The following PLEKHA8 variants were observed in gnomAD, a reference collection of about 807,000 sequenced individuals.
PLEKHA8 encodes the protein pleckstrin homology domain containing A8.
In PLEKHA8, 36 loss-of-function variants were observed where a neutral mutation model predicts 68.2. The ratio of observed to expected loss-of-function variants is 0.53; its 90% CI spans 0.40 to 0.70. The LOEUF (loss-of-function observed/expected upper bound fraction) is 0.70. Ranked by LOEUF, PLEKHA8 falls within the 30% of genes least tolerant of loss-of-function variation. The pLI is 0.00. For synonymous variants in PLEKHA8, 211 were observed against 216.1 expected, an observed-to-expected ratio of 0.98 and a Z score of 0.20; for missense variants, 505 against 615.4, an observed-to-expected ratio of 0.82 and a Z score of 1.90.
Position 30,060,979 on chromosome 7 carries a change from A to G in PLEKHA8, c.1098+37A>G, listed in dbSNP as rs758140863. On this transcript the variant is annotated intron_variant, in intron 10 of 13. Coordinates refer to ENST00000449726, the MANE Select transcript of PLEKHA8 (RefSeq NM_001197026.2). ...GGTTTGTCTCTGTGGAAACTTTTAA[A>G]TAAAGGAAAATGTTCTCAACATTTT... is the stretch of plus-strand genomic sequence containing the variant. 3 of 1,578,588 alleles carry G rather than the reference A, an allele frequency of 1.9e-6. No homozygotes were observed. In the South Asian group the frequency reaches 3.4e-5, roughly 18 times the overall value.
intron 1 of PLEKHA8, among the ~76,000 whole-genome samples, chr7:30,035,639 CTTATTTAT>C (rs923801200): frequency 9.9e-5 from 15 of 151,510 alleles, no homozygotes; most frequent in Non-Finnish European, 2.2e-4. Flanking sequence ...TTCTTATTTA[CTTATTTAT>C]TTATTTATTT....
Position 30,055,357 on chromosome 7 carries a change from G to A in PLEKHA8, c.1039+15G>A, listed in dbSNP as rs139452977. ...TCCAGTATTAGGTAAGATTCCTGCA[G>A]TTGCCTTACATTCATTCATGTCTAG... On this transcript the variant is annotated intron_variant, in intron 9 of 13. Transcript: ENST00000449726. 2.5e-3 allele frequency: 3,951 copies of A among 1,608,446 alleles called. 9 individuals carry two copies. The highest frequency in any genetic ancestry group is 0.01 in the Middle Eastern group (63 of 6,054).
chr7:30,032,381 C>G (rs988039756), intron 1 of PLEKHA8, among the ~76,000 whole-genome samples: 2 of 152,322 alleles, frequency 1.3e-5, no homozygotes, highest in African/African-American at 4.8e-5. Context: ...ATTGTAAGAA[C>G]TGTTAAAAAT....
At chr7:30,071,494 C>T (rs893336353) in intron 12 of PLEKHA8, among the ~76,000 whole-genome samples, 1 of 152,222 alleles carries the variant, frequency 6.6e-6, no homozygotes, top group African/African-American at 2.4e-5. Context: ...TTTCTCCCTT[C>T]TTACTGTTCC....
At chr7:30,099,149 C>A (rs1197390984) in intron 13 of PLEKHA8, among the ~76,000 whole-genome samples, 5 of 152,174 alleles carry the variant, frequency 3.3e-5, no homozygotes, top group Admixed American at 6.5e-5. Flanking sequence ...AATCACACAT[C>A]CAAACAGAGA....
chr7:30,093,379 T>C (rs1192612776), downstream of PLEKHA8, among the ~76,000 whole-genome samples: 1 of 152,234 alleles, frequency 6.6e-6, no homozygotes, highest in East Asian at 1.9e-4. Flanking sequence ...ATGTTGCTTG[T>C]CTTGCTCAAG....
chr7:30,062,811 C>A, intron 12 of PLEKHA8, 69 bp downstream of exon 12: 1 of 1,187,630 alleles, frequency 8.4e-7, no homozygotes, highest in Non-Finnish European at 1.2e-6. Flanking sequence ...GAGGAGGATA[C>A]AGGGTATAGG....
chr7:30,094,778 T>G (rs62446719), downstream of PLEKHA8, among the ~76,000 whole-genome samples: 1,669 of 150,744 alleles, frequency 0.011, 17 homozygotes, highest in Non-Finnish European at 0.015. Flanking sequence ...ATGAGGTGTT[T>G]GGTTTTTTGT....
downstream of PLEKHA8, chr7:30,129,808 C>G (rs1390274842): frequency 1.3e-5 from 2 of 155,542 alleles, no homozygotes; most frequent in African/African-American, 4.8e-5. Context: ...AGTAACTTAT[C>G]CAAGATCACA....
chr7:30,073,924 A>G (rs576210728), intron 12 of PLEKHA8, 147 bp from the exon 13 acceptor site: 8 of 543,346 alleles, frequency 1.5e-5, no homozygotes, highest in African/African-American at 1.2e-4. Context: ...CAGGAGTTCA[A>G]GGCTGCAACT....
chr7:30,108,844 C>T (rs1796166504), intron 13 of PLEKHA8, among the ~76,000 whole-genome samples: 1 of 152,116 alleles, frequency 6.6e-6, no homozygotes, highest in South Asian at 2.1e-4. Flanking sequence ...TCCACAGCAC[C>T]CCAGGTGTGG....
chr7:30,046,300 G>T lies in PLEKHA8; in HGVS notation c.248G>T (p.Arg83Leu), dbSNP rs767273174. 2.5e-6 allele frequency: 4 copies of T among 1,613,924 alleles called. No homozygotes were observed. The highest frequency in any genetic ancestry group is 3.4e-6 in the Non-Finnish European group (4 of 1,179,874). ...LKARSVAERQ[R>L]WLVALGSAKA... Reference sequence around the variant, plus strand: ...GCCAGAAGTGTGGCTGAAAGACAGCGGTGGCTGGTGGCCCTGGGATCAGCC... The same window carrying T: ...GCCAGAAGTGTGGCTGAAAGACAGCTGTGGCTGGTGGCCCTGGGATCAGCC... Residue 83 changes from arginine (R) to leucine (L), a missense_variant, in exon 3 of 14, where the codon CGG becomes CTG. Physicochemically the swap from Arg to Leu is moderately radical, Grantham distance 102. Transcript: ENST00000449726.
In PLEKHA8 at chr7:30,084,087, T is replaced by G. The variant is rs1215815939; in HGVS notation, c.*5300T>G. The stretch of plus-strand genomic sequence containing the variant: ...CAACTACCTCATGTGAAATTGGCTG[T>G]GGACAATCTGTGTCAGATGAGAAAT... On this transcript the variant is annotated 3_prime_UTR_variant, in exon 14 of 14. Transcript: ENST00000449726. The G allele has an allele frequency of 1.0e-6, 1 of 985,334 alleles. No homozygotes were observed. The highest frequency in any genetic ancestry group is 1.7e-5 in the African/African-American group (1 of 57,250). The allele number at this position is 985,334 out of a possible 1,614,324, so 61.0% of individuals were successfully genotyped here.
At chr7:30,093,159 G>A (rs964767241), downstream of PLEKHA8, among the ~76,000 whole-genome samples, 2 of 152,146 alleles carry the variant, frequency 1.3e-5, no homozygotes, top group Admixed American at 1.3e-4. Context: ...GCCAACTGGG[G>A]TCCAATTTCA....
At chr7:30,035,186 C>T (rs1188755250) in intron 1 of PLEKHA8, among the ~76,000 whole-genome samples, 1 of 152,146 alleles carries the variant, frequency 6.6e-6, no homozygotes, top group Non-Finnish European at 1.5e-5. Flanking sequence ...TGAACTTTTG[C>T]CCCACTACTT....
chr7:30,058,894 A>G (rs1434073162), intron 9 of PLEKHA8, among the ~76,000 whole-genome samples: 2 of 152,246 alleles, frequency 1.3e-5, no homozygotes, highest in East Asian at 3.8e-4. Flanking sequence ...TGGGAGGCCA[A>G]GGCAGGAGGA....
At chr7:30,113,161 A>C (rs961241629) in intron 13 of PLEKHA8, among the ~76,000 whole-genome samples, 1 of 151,848 alleles carries the variant, frequency 6.6e-6, no homozygotes, top group African/African-American at 2.4e-5. Context: ...CACATTTGCT[A>C]TTTCTTTGGA....
intron 13 of PLEKHA8, among the ~76,000 whole-genome samples, chr7:30,099,140 A>G (rs1795751429): frequency 6.6e-6 from 1 of 152,222 alleles, no homozygotes; most frequent in Non-Finnish European, 1.5e-5. Context: ...AAGATATTTA[A>G]TCACACATCC....
In PLEKHA8 at chr7:30,078,786, G is replaced by C; in HGVS notation, c.1559G>C (p.Ter520SerextTer8). 3.7e-6 allele frequency: 6 copies of C among 1,613,024 alleles called. No homozygotes were observed. The highest frequency in any genetic ancestry group is 5.1e-6 in the Non-Finnish European group (6 of 1,179,394). Residue 520 changes from the stop codon to serine, a stop_lost, in exon 14 of 14, where the codon TGA becomes TCA. Transcript: ENST00000449726. ...VHGLESDEVV* is the reference protein window; with the variant it reads ...VHGLESDEVVS ...GGGCTGGAATCTGATGAGGTGGTATGATGGCTGCTGGGCAGCACCTCCTAA... is the reference window on the plus strand; with the variant it reads ...GGGCTGGAATCTGATGAGGTGGTATCATGGCTGCTGGGCAGCACCTCCTAA...
Sources: gnomAD v4.1 joint callset for allele counts (sites outside exome capture counted in the v4.1 genomes callset) on GRCh38, gnomAD v4.1.1 for gene constraint, MANE v1.5 for transcripts, NCBI Gene and HGNC (gene_info 2026-07-23, HGNC 2026-07-21) for gene names.